LARP4B: variants seen among roughly 807,000 people sequenced by gnomAD.
LARP4B encodes la-related protein 4B.
Under a neutral mutation model 89.8 loss-of-function variants are expected in LARP4B, and 12 were observed. The ratio of observed to expected loss-of-function variants is 0.13; its 90% confidence interval spans 0.09 to 0.22. The LOEUF (loss-of-function observed/expected upper bound fraction) is 0.22, where lower values mean the gene tolerates loss of function less well. LARP4B is among the 10% of genes least tolerant of loss of function. The probability of loss-of-function intolerance (pLI) is 1.00; values close to 1 mark genes in which losing one functional copy is unlikely to be tolerated. For synonymous variants in LARP4B, 367 were observed against 363.3 expected, an observed-to-expected ratio of 1.01 and a Z score of -0.12; for missense variants, 757 against 947.7, an observed-to-expected ratio of 0.80 and a Z score of 2.64.
At chr10:978,359 TTTACA>T in the LARP4B span, among the ~76,000 whole-genome samples, 10 of 152,232 alleles carry the variant, frequency 6.6e-5, no homozygotes, top group Non-Finnish European at 1.3e-4. Flanking sequence ...ACGTTATTGG[TTTACA>T]TTAAAGTTAT....
At chr10:836,943 T>C (rs1170383650) in intron 7 of LARP4B, among the ~76,000 whole-genome samples, 1 of 152,204 alleles carries the variant, frequency 6.6e-6, no homozygotes, top group Non-Finnish European at 1.5e-5. Flanking sequence ...TTCGCCAGTT[T>C]TTACATAAAT....
chr10:897,764 G>T (rs534685439), intron 1 of LARP4B, among the ~76,000 whole-genome samples: 1 of 152,206 alleles, frequency 6.6e-6, no homozygotes, highest in Admixed American at 6.5e-5. Context: ...GAAGCAGGCA[G>T]ATTATTTGAG....
chr10:919,504 A>C (rs1836922684), intron 1 of LARP4B, among the ~76,000 whole-genome samples: 1 of 151,948 alleles, frequency 6.6e-6, no homozygotes, highest in South Asian at 2.1e-4. Flanking sequence ...GGGGGGAAAA[A>C]AGGGAGGGGG....
chr10:908,577 G>C (rs1157893216), intron 1 of LARP4B, among the ~76,000 whole-genome samples: 1 of 152,200 alleles, frequency 6.6e-6, no homozygotes, highest in Non-Finnish European at 1.5e-5. Context: ...TGTTGAGACT[G>C]AAGGGGAGGG....
intron 13 of LARP4B, among the ~76,000 whole-genome samples, chr10:823,592 C>CG (rs1210226438): frequency 6.6e-6 from 1 of 150,970 alleles, no homozygotes. Context: ...AGGCTGAGGC[C>CG]GGGGGGCCTT....
At chr10:853,441 T>G (rs1049156277) in intron 5 of LARP4B, among the ~76,000 whole-genome samples, 1 of 152,220 alleles carries the variant, frequency 6.6e-6, no homozygotes, top group African/African-American at 2.4e-5. Flanking sequence ...CCCAGCACTT[T>G]GGGAGGCCGA....
chr10:939,994 T>C, the LARP4B span, among the ~76,000 whole-genome samples: 123 of 145,974 alleles, frequency 8.4e-4, no homozygotes, highest in African/African-American at 3.0e-3. Flanking sequence ...TACTGGCATG[T>C]GCCACCACGC....
intron 3 of LARP4B, among the ~76,000 whole-genome samples, chr10:880,349 G>A (rs1313614646): frequency 3.3e-5 from 5 of 152,018 alleles, no homozygotes; most frequent in Admixed American, 2.0e-4. Context: ...ATAAAGGAAG[G>A]GACTAAAGTT....
intron 5 of LARP4B, among the ~76,000 whole-genome samples, chr10:847,862 C>G (rs1281299638): frequency 6.6e-6 from 1 of 152,180 alleles, no homozygotes; most frequent in African/African-American, 2.4e-5. Context: ...CCCACAAGTC[C>G]AGCCCACTGC....
intron 1 of LARP4B, among the ~76,000 whole-genome samples, chr10:908,336 C>CT (rs1836552432): frequency 6.6e-6 from 1 of 152,098 alleles, no homozygotes; most frequent in Non-Finnish European, 1.5e-5. Flanking sequence ...CACCTTGCCC[C>CT]ACACATCTCG....
At chr10:900,855 G>T (rs569258524) in intron 1 of LARP4B, among the ~76,000 whole-genome samples, 102 of 150,778 alleles carry the variant, frequency 6.8e-4, no homozygotes, top group Non-Finnish European at 1.0e-3. Flanking sequence ...CTGACCTCAT[G>T]ATCTGCCTGC....
chr10:825,345 A>G, intron 12 of LARP4B, 29 bp from the exon 13 acceptor site: 1 of 1,606,954 alleles, frequency 6.2e-7, no homozygotes. Flanking sequence ...TTATGTGTTG[A>G]GTTATAAAAT....
the LARP4B span, among the ~76,000 whole-genome samples, chr10:951,050 C>A: frequency 6.6e-6 from 1 of 151,786 alleles, no homozygotes; most frequent in African/African-American, 2.4e-5. Context: ...TTCTTCTTTT[C>A]CCTTTATTTT....
intron 5 of LARP4B, among the ~76,000 whole-genome samples, chr10:857,893 A>T (rs578178962): frequency 6.6e-6 from 1 of 152,332 alleles, no homozygotes; most frequent in South Asian, 2.1e-4. Context: ...TTGTAAATTT[A>T]AAAAAGGATT....
chr10:935,843 C>T (rs12262494), upstream of LARP4B, among the ~76,000 whole-genome samples: 3,853 of 150,818 alleles, frequency 0.026, 166 homozygotes, highest in African/African-American at 0.087. Flanking sequence ...CTCAGCCTCC[C>T]GAGTAGCTGG....
chr10:833,103 C>T (rs550750620), intron 8 of LARP4B, among the ~76,000 whole-genome samples: 1 of 151,926 alleles, frequency 6.6e-6, no homozygotes, highest in African/African-American at 2.4e-5. Flanking sequence ...GTGAATTACA[C>T]GGACTCTAGT....
chr10:863,493 T>A (rs2131840400), intron 5 of LARP4B, among the ~76,000 whole-genome samples: 1 of 152,210 alleles, frequency 6.6e-6, no homozygotes, highest in South Asian at 2.1e-4. Flanking sequence ...CCTCCCGAAG[T>A]GCTGGGATGA....
the LARP4B span, chr10:986,098 G>A: frequency 6.6e-6 from 1 of 152,180 alleles, no homozygotes; most frequent in Admixed American, 6.5e-5. Context: ...CTTTCAGGCA[G>A]GAAGTTCAGT....
chr10:898,097 C>T (rs1171113677), intron 1 of LARP4B, among the ~76,000 whole-genome samples: 1 of 151,390 alleles, frequency 6.6e-6, no homozygotes. Context: ...CCACATCATT[C>T]GTCATGAGGG....
Sources: gnomAD v4.1 joint callset for allele counts (sites outside exome capture counted in the v4.1 genomes callset) on GRCh38, gnomAD v4.1.1 for gene constraint, MANE v1.5 for transcripts, NCBI Gene and HGNC (gene_info 2026-07-23, HGNC 2026-07-21) for gene names.